Variants in RYR2 observed in about 807,000 individuals in gnomAD.
The protein encoded by RYR2 is ryanodine receptor 2.
In RYR2, 227 loss-of-function variants were observed where a neutral mutation model predicts 601.1. The observed-to-expected ratio is 0.38, with a 90% CI of 0.34 to 0.42. The LOEUF is 0.42. Ranked by LOEUF, RYR2 falls within the 10% of genes least tolerant of loss-of-function variation. The pLI, the probability that RYR2 is intolerant of heterozygous loss-of-function variation, is 1.00. For missense variants in RYR2, 4,646 were observed against 6,156.5 expected, an observed-to-expected ratio of 0.75 and a Z score of 8.21; for synonymous variants, 2,223 against 2,175.1, an observed-to-expected ratio of 1.02 and a Z score of -0.61.
At chr1:237,256,287 G>GT (rs1006742193) in intron 1 of RYR2, among the ~76,000 whole-genome samples, 1 of 152,162 alleles carries the variant, frequency 6.6e-6, no homozygotes, top group African/African-American at 2.4e-5. Context: ...ACATGGAACT[G>GT]TGAGTCCATT....
At chr1:237,754,726 C>G (rs931175110) in intron 80 of RYR2, among the ~76,000 whole-genome samples, 6 of 152,198 alleles carry the variant, frequency 3.9e-5, no homozygotes, top group Non-Finnish European at 5.9e-5. Context: ...AAGGAAGAAT[C>G]AGATGTTGCT....
At chr1:237,385,015 G>A (rs1362111450) in intron 8 of RYR2, among the ~76,000 whole-genome samples, 7 of 151,720 alleles carry the variant, frequency 4.6e-5, no homozygotes, top group African/African-American at 1.7e-4. Context: ...TCAGCCTCCT[G>A]AGTAACTGGG....
chr1:237,100,297 A>C (rs1185711140), intron 1 of RYR2, among the ~76,000 whole-genome samples: 1 of 152,146 alleles, frequency 6.6e-6, no homozygotes, highest in Non-Finnish European at 1.5e-5. Flanking sequence ...GCCTTCAAGG[A>C]GTTCCTGATC....
At chr1:237,404,047 A>C (rs1323691760) in intron 10 of RYR2, among the ~76,000 whole-genome samples, 7 of 152,188 alleles carry the variant, frequency 4.6e-5, no homozygotes, top group Admixed American at 2.0e-4. Context: ...CCAGTCTAGG[A>C]GTTCAAGACC....
intron 101 of RYR2, among the ~76,000 whole-genome samples, chr1:237,826,428 C>T (rs753103835): frequency 5.3e-5 from 8 of 152,102 alleles, no homozygotes; most frequent in Non-Finnish European, 1.0e-4. Flanking sequence ...GAAAACCAAA[C>T]GCCACATGTT....
At chr1:237,266,473 T>C (rs1689069930) in intron 1 of RYR2, among the ~76,000 whole-genome samples, 1 of 152,194 alleles carries the variant, frequency 6.6e-6, no homozygotes, top group African/African-American at 2.4e-5. Context: ...AAGCTATTTA[T>C]CAAAACCTCT....
At chr1:237,387,594 C>T (rs1295944487) in intron 9 of RYR2, among the ~76,000 whole-genome samples, 1 of 152,150 alleles carries the variant, frequency 6.6e-6, no homozygotes, top group Admixed American at 6.5e-5. Flanking sequence ...TTTTATGCTA[C>T]TGTCAGCTTT....
rs748534361 is a variant in RYR2, at chr1:237,384,205, A to T, written c.577-3076A>T. Among the ~76,000 whole-genome samples, 76 of 152,202 alleles carry T rather than the reference A, an allele frequency of 5.0e-4. 1 individual carries two copies. The highest frequency in any genetic ancestry group is 1.0e-3 in the Admixed American group (16 of 15,280). On this transcript the variant is annotated intron_variant, in intron 8 of 104. Transcript: ENST00000366574. ...TTTGGGACCTTTTCCCACAGACTGA[A>T]ATTTTCATATGCTTATGGTTCTCTC... is the stretch of plus-strand genomic sequence containing the variant.
Position 237,761,047 on chromosome 1 carries a change from A to G in RYR2, c.11476+19A>G, listed in dbSNP as rs766432790. ...GGATCAGGTATTAATGACTTACATT[A>G]AAAGGATCACCTGTCTCCCTTCCCT... On this transcript the variant is annotated intron_variant, in intron 84 of 104. Transcript: ENST00000366574. The G allele has an allele frequency of 4.9e-6, 7 of 1,442,268 alleles. No homozygotes were observed. In the South Asian group the frequency reaches 6.1e-5, roughly 13 times the overall value. The allele number at this position is 1,442,268 out of a possible 1,614,324, so 89.3% of individuals were successfully genotyped here. A position where few individuals can be genotyped will look rare whatever the true frequency, so the allele number is the denominator to read the frequency against.
intron 1 of RYR2, among the ~76,000 whole-genome samples, chr1:237,200,695 C>G (rs1681095844): frequency 6.6e-6 from 1 of 152,176 alleles, no homozygotes; most frequent in African/African-American, 2.4e-5. Context: ...CAAATTGATA[C>G]TTTGGGTTGA....
At chr1:237,827,171 T>C (rs553256118) in intron 101 of RYR2, among the ~76,000 whole-genome samples, 6 of 152,166 alleles carry the variant, frequency 3.9e-5, no homozygotes, top group Non-Finnish European at 7.3e-5. Flanking sequence ...TGTGCTCTTA[T>C]TGAGTGTAAA....
chr1:237,734,437 C>T (rs1409261792), intron 79 of RYR2, among the ~76,000 whole-genome samples: 1 of 152,170 alleles, frequency 6.6e-6, no homozygotes, highest in Non-Finnish European at 1.5e-5. Flanking sequence ...TCCCTTGACA[C>T]TTGGGGATTA....
rs114267651 is a variant in RYR2 at position 237,807,223 on chromosome 1, G to A, written c.14298+940G>A. On this transcript the variant is annotated intron_variant, in intron 99 of 104. Coordinates refer to ENST00000366574, the MANE Select transcript of RYR2 (RefSeq NM_001035.3). The stretch of plus-strand genomic sequence containing the variant: ...ATTTATCTGTCAGTTAATAAGATGT[G>A]TTTGAGCTCCCAGGATATGCAGTAA... Among the ~76,000 whole-genome samples the A allele has an allele frequency of 4.7e-3, 719 of 152,280 alleles. 5 individuals carry two copies. Among genetic ancestry groups the A allele is most frequent in the African/African-American group, 0.017 (692 of 41,554 alleles).
intron 36 of RYR2, among the ~76,000 whole-genome samples, chr1:237,613,140 G>A (rs935928340): frequency 2.6e-5 from 4 of 152,222 alleles, no homozygotes; most frequent in African/African-American, 9.6e-5. Context: ...TGGTTGAGAA[G>A]AATCTGATGC....
At chr1:237,804,339 T>C (rs1288129103) in intron 98 of RYR2, among the ~76,000 whole-genome samples, 1 of 113,722 alleles carries the variant, frequency 8.8e-6, no homozygotes, top group African/African-American at 2.8e-5. Context: ...AAAATGCTGT[T>C]TTCTTTTCTG....
Position 237,610,295 on chromosome 1 carries a change from T to C in RYR2, c.4684-467T>C, listed in dbSNP as rs188877960. On this transcript the variant is annotated intron_variant, in intron 35 of 104. Transcript: ENST00000366574. The surrounding 1 kb of genome is among the most constrained non-coding windows in gnomAD (Gnocchi z 4.9). ...TTTATCTGTTGAGCTTTATCTGGAA[T>C]ACTTCTGGCTAGAGGAAGTGTCTTA... Among the ~76,000 whole-genome samples the C allele has an allele frequency of 1.5e-3, 234 of 152,332 alleles. 4 individuals carry two copies. The highest frequency in any genetic ancestry group is 0.015 in the Admixed American group (232 of 15,306).
At chr1:237,262,027 T>C (rs1572396586) in intron 1 of RYR2, among the ~76,000 whole-genome samples, 2 of 152,152 alleles carry the variant, frequency 1.3e-5, no homozygotes, top group African/African-American at 2.4e-5. Flanking sequence ...TTTCCTAGCA[T>C]GTATTGCATC....
chr1:237,709,500 C>T lies in RYR2; in HGVS notation c.10163C>T (p.Pro3388Leu). ...TCCAGGGCAAAGTGGCTAAAGGAGCCTAACCCAGAAGCAGAGGAGCTCTTC... is the reference window on the plus strand; with the variant it reads ...TCCAGGGCAAAGTGGCTAAAGGAGCTTAACCCAGAAGCAGAGGAGCTCTTC... ...DYNRAKWLKEPNPEAEELFRM... is the reference protein window; with the variant it reads ...DYNRAKWLKELNPEAEELFRM... Residue 3388 changes from proline to leucine, a missense_variant, in exon 70 of 105, where the codon CCT (proline) becomes CTT (leucine). Around this residue, in one of 17 missense-constraint regions of RYR2, gnomAD observed 1,497 missense variants for 1,842.6 expected, o/e 0.81. Transcript: ENST00000366574. 6.2e-7 allele frequency: 1 copy of T among 1,611,414 alleles called. No individual in the cohort carries two copies. Among genetic ancestry groups the T allele is most frequent in the Non-Finnish European group, 8.5e-7 (1 of 1,178,388 alleles).
intron 3 of RYR2, among the ~76,000 whole-genome samples, chr1:237,335,593 G>A (rs904158168): frequency 2.6e-5 from 4 of 152,026 alleles, no homozygotes; most frequent in South Asian, 4.2e-4. Context: ...TCTGTCTTTC[G>A]GGTGAATTAT....
Sources: allele counts gnomAD v4.1 joint callset (sites outside exome capture counted in the v4.1 genomes callset), GRCh38; gene constraint gnomAD v4.1.1; regional missense constraint gnomAD v4.1.1; non-coding constraint Gnocchi (gnomAD v3.1); transcripts MANE v1.5; gene names NCBI Gene and HGNC (gene_info 2026-07-23, HGNC 2026-07-21).